XRCC4: variants seen among roughly 807,000 people sequenced by gnomAD.
XRCC4 encodes the protein X-ray repair cross complementing 4, also known as DNA repair protein XRCC4.
A neutral mutation model predicts 39.1 loss-of-function variants in XRCC4; 28 were observed. The observed-to-expected ratio is 0.72, with a 90% CI of 0.53 to 0.98. The LOEUF (loss-of-function observed/expected upper bound fraction) is 0.98. XRCC4 is among the 50% of genes least tolerant of loss of function. XRCC4 has a pLI of 0.00. For missense variants in XRCC4, 350 were observed against 376.4 expected, an observed-to-expected ratio of 0.93 and a Z score of 0.58; for synonymous variants, 123 against 126.4, an observed-to-expected ratio of 0.97 and a Z score of 0.18.
chr5:83,211,181 C>G (rs1751630931), intron 6 of XRCC4, among the ~76,000 whole-genome samples: 1 of 152,200 alleles, frequency 6.6e-6, no homozygotes, highest in South Asian at 2.1e-4. Context: ...TGGGTAAGAA[C>G]TGGGAGTCTG....
chr5:83,371,793 T>C, the XRCC4 span, among the ~76,000 whole-genome samples: 2,859 of 152,252 alleles, frequency 0.019, 93 homozygotes, highest in African/African-American at 0.066. Context: ...ACATGAAAGA[T>C]TGAAGAAATC....
intron 6 of XRCC4, among the ~76,000 whole-genome samples, chr5:83,225,882 T>A (rs940017718): frequency 6.6e-6 from 1 of 151,946 alleles, no homozygotes; most frequent in Non-Finnish European, 1.5e-5. Context: ...TGAATGCCTG[T>A]TAAAAATCAC....
chr5:83,212,044 C>T (rs1247760389), intron 6 of XRCC4, among the ~76,000 whole-genome samples: 1 of 151,936 alleles, frequency 6.6e-6, no homozygotes, highest in Non-Finnish European at 1.5e-5. Flanking sequence ...GACTTCAAAG[C>T]ACAGTTTATA....
At chr5:83,141,546 T>C (rs9293332) in intron 3 of XRCC4, among the ~76,000 whole-genome samples, 73,538 of 151,906 alleles carry the variant, frequency 0.48, 18,768 homozygotes, top group African/African-American at 0.63. Flanking sequence ...GTTTGCATTT[T>C]TCCAATTGCG....
chr5:83,226,049 A>T (rs7715771), intron 6 of XRCC4, among the ~76,000 whole-genome samples: 31,620 of 151,806 alleles, frequency 0.21, 7,494 homozygotes, highest in African/African-American at 0.59. Context: ...GCATTTTTTT[A>T]AAGCCTCTTC....
intron 6 of XRCC4, among the ~76,000 whole-genome samples, chr5:83,218,149 A>G (rs1188278324): frequency 6.6e-6 from 1 of 150,994 alleles, no homozygotes; most frequent in Non-Finnish European, 1.5e-5. Flanking sequence ...TACATGTGCC[A>G]TGTTGGTGTG....
chr5:83,241,341 G>T (rs1371827366), intron 6 of XRCC4, among the ~76,000 whole-genome samples: 1 of 151,788 alleles, frequency 6.6e-6, no homozygotes, highest in Non-Finnish European at 1.5e-5. Context: ...TTAACTAATT[G>T]CAGCCATATT....
intron 6 of XRCC4, among the ~76,000 whole-genome samples, chr5:83,225,921 T>C (rs917843366): frequency 1.3e-5 from 2 of 152,052 alleles, no homozygotes; most frequent in Non-Finnish European, 2.9e-5. Flanking sequence ...AGGGAGACTC[T>C]TATATGCCTC....
intron 7 of XRCC4, among the ~76,000 whole-genome samples, chr5:83,278,236 G>C (rs1020777298): frequency 1.3e-5 from 2 of 152,158 alleles, no homozygotes; most frequent in African/African-American, 2.4e-5. Flanking sequence ...AGATTGAAGC[G>C]GTAGTCTTCA....
intron 6 of XRCC4, among the ~76,000 whole-genome samples, chr5:83,246,870 C>T (rs150599770): frequency 2.3e-4 from 35 of 152,262 alleles, no homozygotes; most frequent in Middle Eastern, 3.4e-3. Context: ...CTTTATGAGG[C>T]GTACTATGAT....
chr5:83,332,080 G>A (rs771105701), intron 7 of XRCC4, among the ~76,000 whole-genome samples: 6 of 152,130 alleles, frequency 3.9e-5, no homozygotes, highest in African/African-American at 7.2e-5. Context: ...TGTGTCCAGT[G>A]GTTATTCTGT....
intron 3 of XRCC4, among the ~76,000 whole-genome samples, chr5:83,194,388 C>T (rs1402704363): frequency 1.3e-5 from 2 of 152,144 alleles, no homozygotes; most frequent in Non-Finnish European, 2.9e-5. Context: ...GTTAAGTGGA[C>T]TCATATTTCA....
the XRCC4 span, among the ~76,000 whole-genome samples, chr5:83,368,746 C>T: frequency 2.6e-5 from 4 of 152,128 alleles, no homozygotes; most frequent in Non-Finnish European, 5.9e-5. Context: ...TCAACCCTTA[C>T]GATATACTAA....
At chr5:83,258,751 GT>G in intron 7 of XRCC4, 74 bp downstream of exon 7, 3 of 1,499,906 alleles carry the variant, frequency 2.0e-6, no homozygotes, top group Non-Finnish European at 2.7e-6. Context: ...TAAAAATTAT[GT>G]TTTCATTTTG....
rs1305734285 is a variant in XRCC4, at chr5:83,260,996, T to TA, written c.893+2319_893+2320insA. Among the ~76,000 whole-genome samples the TA allele has an allele frequency of 2.9e-3, 448 of 152,174 alleles. 4 individuals carry two copies. The highest frequency in any genetic ancestry group is 0.01 in the African/African-American group (432 of 41,560). On this transcript the variant is annotated intron_variant, in intron 7 of 7. Transcript: ENST00000396027. ...GAGTGGTTGATACCCTACTGTATAA[T>TA]GCCTCCTCTTTTGCTCAAATAAAAC...
rs139812503 is a variant in XRCC4, at chr5:83,133,958, G to A, written c.315+22755G>A. On this transcript the variant is annotated intron_variant, in intron 3 of 7. Transcript: ENST00000396027. ...GGCGGGGCAGTGTGAAGAGAGAGGCGCTGGCGGGAGTTGGGGCTGTGCGTG... is the reference window on the plus strand; with the variant it reads ...GGCGGGGCAGTGTGAAGAGAGAGGCACTGGCGGGAGTTGGGGCTGTGCGTG... Among the ~76,000 whole-genome samples, 817 of 152,268 alleles carry A rather than the reference G, an allele frequency of 5.4e-3. 7 individuals carry two copies. Among genetic ancestry groups the A allele is most frequent in the African/African-American group, 0.019 (789 of 41,560 alleles).
intron 3 of XRCC4, among the ~76,000 whole-genome samples, chr5:83,113,168 G>A (rs1472831211): frequency 6.6e-6 from 1 of 152,182 alleles, no homozygotes; most frequent in Non-Finnish European, 1.5e-5. Context: ...CATTTCAAAT[G>A]GGAGAAATTG....
intron 7 of XRCC4, among the ~76,000 whole-genome samples, chr5:83,314,678 A>G (rs1344439652): frequency 1.3e-5 from 2 of 152,074 alleles, no homozygotes; most frequent in South Asian, 2.1e-4. Context: ...TATTATTACT[A>G]TATCTGTTAT....
At chr5:83,335,625 T>A (rs1419234717) in intron 7 of XRCC4, among the ~76,000 whole-genome samples, 1 of 151,808 alleles carries the variant, frequency 6.6e-6, no homozygotes, top group African/African-American at 2.4e-5. Flanking sequence ...AGGACAGGAG[T>A]GTTGTTTATC....
Sources: gnomAD v4.1 joint callset for allele counts (sites outside exome capture counted in the v4.1 genomes callset) on GRCh38, gnomAD v4.1.1 for gene constraint, MANE v1.5 for transcripts, NCBI Gene and HGNC (gene_info 2026-07-23, HGNC 2026-07-21) for gene names.